RBFOX3: variants seen among roughly 807,000 people sequenced by gnomAD.
The protein encoded by RBFOX3 is RNA binding fox-1 homolog 3.
Under a neutral mutation model 48.7 loss-of-function variants are expected in RBFOX3, and 17 were observed. That is an observed-to-expected ratio of 0.35 (90% CI 0.24 to 0.52). The LOEUF is 0.52. Ranked by LOEUF, RBFOX3 falls within the 20% of genes least tolerant of loss-of-function variation. The pLI is 0.94. For synonymous variants in RBFOX3, 212 were observed against 209.5 expected (o/e 1.01, Z -0.10); for missense variants, 382 against 497.5 (o/e 0.77, Z 2.21).
At chr17:79,117,858 A>G (rs1047422700) in intron 4 of RBFOX3, among the ~76,000 whole-genome samples, 1 of 152,212 alleles carries the variant, frequency 6.6e-6, no homozygotes, top group African/African-American at 2.4e-5. Context: ...AGCTTCAGAG[A>G]ACAATGACCC....
chr17:79,368,792 T>C (rs2058128321), intron 2 of RBFOX3, among the ~76,000 whole-genome samples: 1 of 152,208 alleles, frequency 6.6e-6, no homozygotes. Flanking sequence ...ATTAGGGCCA[T>C]GGAAATGTCA....
chr17:79,373,342 A>T (rs111748435), intron 2 of RBFOX3, among the ~76,000 whole-genome samples: 163 of 152,246 alleles, frequency 1.1e-3, no homozygotes, highest in African/African-American at 3.6e-3. Flanking sequence ...TCAGAGAGGG[A>T]AGGGGGCTTG....
At chr17:79,341,755 A>G (rs1477757148) in intron 2 of RBFOX3, among the ~76,000 whole-genome samples, 1 of 152,220 alleles carries the variant, frequency 6.6e-6, no homozygotes, top group Non-Finnish European at 1.5e-5. Context: ...GGCTCCCTGC[A>G]TAACCATCTT....
At position 79,115,701 on chromosome 17, in the gene RBFOX3, G is replaced by GGT; in HGVS notation, c.14_15insAC (p.Tyr5Ter). The change falls in exon 5 of 15, where the codon TAC becomes TAACC. Residue 5 changes from tyrosine (Y) to a stop codon, truncating the protein, a stop_gained and frameshift_variant. Coordinates refer to ENST00000693108, the MANE Select transcript of RBFOX3 (RefSeq NM_001350451.2). LOFTEE classifies it high-confidence loss of function. MAQP[Y>*]PPAQYPPPPQ... is the part of the protein sequence containing the mutation. ...GCGGAGGGGGGTACTGGGCGGGGGG[G>GGT]TAGGGCTGGGCCATCGCTTCAGGCG... 7.2e-6 allele frequency: 3 copies of GGT among 415,910 alleles called. No homozygotes were observed. The highest frequency in any genetic ancestry group is 2.4e-5 in the African/African-American group (1 of 41,246). The allele number at this position is 415,910 out of a possible 1,614,324, so 25.8% of individuals were successfully genotyped here. A position where few individuals can be genotyped will look rare whatever the true frequency, so the allele number is the denominator to read the frequency against.
In RBFOX3 at chr17:79,114,887, C is replaced by CA. The variant is rs541574059; in HGVS notation, c.222+606dup. 1.8e-4 allele frequency among the ~76,000 whole-genome samples: 28 copies of CA among 152,342 alleles called. 1 individual carries two copies. The East Asian group carries it at 5.2e-3, about 28-fold the overall frequency. ...GCCCACTCCAGGCCAGCCGCTTGGC[C>CA]ACTCCCTGCTGGCTCTCTTTGCTCT... On this transcript the variant is annotated intron_variant, in intron 5 of 14. Coordinates refer to ENST00000693108, the MANE Select transcript of RBFOX3 (RefSeq NM_001350451.2).
chr17:79,611,183 T>TTCTCTCTCTCTCTCTCTCTCTCTCTCTC (rs1196349028), upstream of RBFOX3, among the ~76,000 whole-genome samples: 12 of 41,492 alleles, frequency 2.9e-4, no homozygotes, highest in African/African-American at 1.5e-3. Context: ...TCCGCCCTCC[T>TTCTCTCTCTCTCTCTCTCTCTCTCTCTC]TCTCTCTCTC....
chr17:79,400,551 TAGAG>T (rs3073198), intron 2 of RBFOX3, among the ~76,000 whole-genome samples: 17,289 of 152,198 alleles, frequency 0.11, 1,230 homozygotes, highest in East Asian at 0.18. Flanking sequence ...CAACTTATCT[TAGAG>T]AGACACAGTT....
At chr17:79,602,737 A>G (rs2093733980) in intron 1 of RBFOX3, among the ~76,000 whole-genome samples, 1 of 152,190 alleles carries the variant, frequency 6.6e-6, no homozygotes, top group Non-Finnish European at 1.5e-5. Context: ...ATCCAAAAAC[A>G]TATATCCACA....
chr17:79,335,614 A>C (rs927123954), intron 2 of RBFOX3, among the ~76,000 whole-genome samples: 5 of 151,936 alleles, frequency 3.3e-5, no homozygotes, highest in Non-Finnish European at 1.5e-5. Context: ...TTGGCGCAGA[A>C]CCCCCAGCCT....
the RBFOX3 span, among the ~76,000 whole-genome samples, chr17:79,648,170 C>T: frequency 6.6e-6 from 1 of 152,138 alleles, no homozygotes. Context: ...CATGGTCAGA[C>T]AGTGTGAGAC....
intron 1 of RBFOX3, among the ~76,000 whole-genome samples, chr17:79,547,643 C>T (rs782516113): frequency 3.3e-5 from 5 of 152,248 alleles, no homozygotes; most frequent in South Asian, 2.1e-4. Context: ...GCTTCACTTT[C>T]GGGGAACATC....
chr17:79,523,174 G>A (rs1355245595), intron 1 of RBFOX3, among the ~76,000 whole-genome samples: 1 of 152,050 alleles, frequency 6.6e-6, no homozygotes, highest in African/African-American at 2.4e-5. Flanking sequence ...TGTTTCTGGG[G>A]GACAGACTTT....
At chr17:79,278,158 TG>T (rs931077816) in intron 3 of RBFOX3, among the ~76,000 whole-genome samples, 5 of 151,872 alleles carry the variant, frequency 3.3e-5, no homozygotes, top group Non-Finnish European at 7.4e-5. Context: ...GTGGCAGCCA[TG>T]GGGGGCCTCG....
At chr17:79,490,352 G>A (rs2080307351) in intron 1 of RBFOX3, among the ~76,000 whole-genome samples, 2 of 152,206 alleles carry the variant, frequency 1.3e-5, no homozygotes, top group South Asian at 2.1e-4. Flanking sequence ...GTGGAGGGCT[G>A]TAATTTGGGA....
chr17:79,323,703 C>G (rs2078889009), intron 2 of RBFOX3, among the ~76,000 whole-genome samples: 1 of 152,228 alleles, frequency 6.6e-6, no homozygotes, highest in Admixed American at 6.5e-5. Context: ...TCCTGCTCAG[C>G]TCTCTTCTGC....
intron 3 of RBFOX3, among the ~76,000 whole-genome samples, chr17:79,257,593 C>T (rs541896163): frequency 6.6e-6 from 1 of 151,892 alleles, no homozygotes; most frequent in Non-Finnish European, 1.5e-5. Context: ...TTTTTTTTCC[C>T]CCTCTGAGAC....
chr17:79,219,630 G>C (rs574271988), intron 4 of RBFOX3, among the ~76,000 whole-genome samples: 2 of 152,204 alleles, frequency 1.3e-5, no homozygotes, highest in Admixed American at 6.5e-5. Context: ...AGAGGAAGGT[G>C]GGGGAGGCTG....
intron 2 of RBFOX3, among the ~76,000 whole-genome samples, chr17:79,394,119 A>G (rs1186001647): frequency 6.6e-6 from 1 of 151,742 alleles, no homozygotes; most frequent in East Asian, 1.9e-4. Flanking sequence ...CGTCTGAGCC[A>G]ATCATCACGC....
intron 3 of RBFOX3, among the ~76,000 whole-genome samples, chr17:79,263,194 T>A (rs1331533027): frequency 3.9e-5 from 6 of 152,118 alleles, no homozygotes; most frequent in Non-Finnish European, 8.8e-5. Flanking sequence ...CCCCCAACCT[T>A]TGGAGGGCTC....
Sources: allele counts gnomAD v4.1 joint callset (sites outside exome capture counted in the v4.1 genomes callset), GRCh38; gene constraint gnomAD v4.1.1; transcripts MANE v1.5; gene names NCBI Gene and HGNC (gene_info 2026-07-23, HGNC 2026-07-21).